Variants in DYNC1H1 observed in about 807,000 individuals in gnomAD.
DYNC1H1 encodes the protein cytoplasmic dynein 1 heavy chain 1.
A neutral mutation model predicts 527.1 loss-of-function variants in DYNC1H1; 51 were observed. The observed-to-expected ratio is 0.10, with a 90% confidence interval of 0.08 to 0.12. The LOEUF (loss-of-function observed/expected upper bound fraction) is 0.12, where lower values mean the gene tolerates loss of function less well. Among genes scored for constraint, DYNC1H1 ranks in the 10% least tolerant of loss-of-function variants. The pLI is 1.00. For missense variants in DYNC1H1, 2,771 were observed against 5,971.8 expected (o/e 0.46, Z 17.66); for synonymous variants, 2,189 against 2,278.8 (o/e 0.96, Z 1.12).
intron 24 of DYNC1H1, 27 bp from the exon 25 acceptor site, chr14:102,004,735 C>T: frequency 6.2e-7 from 1 of 1,614,060 alleles, no homozygotes. Flanking sequence ...TTGCATACCT[C>T]ATTTCTTAAA....
Position 101,986,771 on chromosome 14 carries a change from C to G in DYNC1H1, c.2538+8C>G, listed in dbSNP as rs755060365. Reference sequence around the variant, plus strand: ...TTCAACTTCCAAGAAAAGGTATGCTCTCATGTAATCCTCAGGTGTCCTGGT... The same window carrying G: ...TTCAACTTCCAAGAAAAGGTATGCTGTCATGTAATCCTCAGGTGTCCTGGT... On this transcript the variant is annotated splice_region_variant and intron_variant, in intron 8 of 77. Transcript: ENST00000360184. This position sits in a 1 kb window ranked among gnomAD's most constrained non-coding sequence, Gnocchi z 8.7. The G allele has an allele frequency of 3.1e-6, 5 of 1,613,986 alleles. No individual in the cohort carries two copies. The highest frequency in any genetic ancestry group is 4.2e-6 in the Non-Finnish European group (5 of 1,179,890).
At position 102,018,531 on chromosome 14, in the gene DYNC1H1, G is replaced by A. The variant is rs764842403; in HGVS notation, c.8258G>A (p.Arg2753His). Residue 2753 changes from arginine (R) to histidine (H), a missense_variant, in exon 41 of 78, where the codon CGC (arginine) becomes CAC (histidine). By Grantham distance (29) the Arg-to-His change is conservative. This residue lies in a region of DYNC1H1 where 163 missense variants were observed against 346.9 expected (regional missense o/e 0.47). Coordinates refer to ENST00000360184, the MANE Select transcript of DYNC1H1 (RefSeq NM_001376.5). This position sits in a 1 kb window ranked among gnomAD's most constrained non-coding sequence, Gnocchi z 5.2. ...SLTQIYGTFN[R>H]AMLRLIPSLR... Reference sequence around the variant, plus strand: ...ACACAGATCTACGGCACCTTCAACCGCGCCATGCTGAGGCTCATTCCATCC... The same window carrying A: ...ACACAGATCTACGGCACCTTCAACCACGCCATGCTGAGGCTCATTCCATCC... 1 of 1,614,060 alleles carries A rather than the reference G, an allele frequency of 6.2e-7. No individual in the cohort carries two copies. Among genetic ancestry groups the A allele is most frequent in the Non-Finnish European group, 8.5e-7 (1 of 1,180,030 alleles).
chr14:101,992,892 A>C, intron 11 of DYNC1H1, among the ~76,000 whole-genome samples: 1 of 146,124 alleles, frequency 6.8e-6, no homozygotes. Context: ...TTCCCCTTAA[A>C]CTCCCTCTAA....
In DYNC1H1 at chr14:102,002,495, GA is replaced by G; in HGVS notation, c.4543-40del. On this transcript the variant is annotated intron_variant, in intron 21 of 77. Transcript: ENST00000360184. The surrounding 1 kb of genome is among the most constrained non-coding windows in gnomAD (Gnocchi z 4.4). ...GTGAGTTTTGGCATATCTGTGAGTAGAAGGGTCAGCAGTTTACCTCTCCCTC... is the reference window on the plus strand; with the variant it reads ...GTGAGTTTTGGCATATCTGTGAGTAGAGGGTCAGCAGTTTACCTCTCCCTC... The G allele has an allele frequency of 6.2e-7, 1 of 1,612,836 alleles. No individual in the cohort carries two copies. The highest frequency in any genetic ancestry group is 8.5e-7 in the Non-Finnish European group (1 of 1,179,412).
chr14:101,994,224 A>G lies in DYNC1H1; in HGVS notation c.3056A>G (p.Tyr1019Cys). ...GAATTGACTGAGGAAGAGAAATTCT[A>G]TCGGAATGCTTTAACACGGATGCCT... is the stretch of plus-strand genomic sequence containing the variant. ...HYELTEEEKFYRNALTRMPDG... is the reference protein window; with the variant it reads ...HYELTEEEKFCRNALTRMPDG... Residue 1019 changes from tyrosine (Y) to cysteine (C), a missense_variant, in exon 12 of 78, where the codon TAT becomes TGT. Physicochemically the swap from Tyr to Cys is radical, Grantham distance 194 (BLOSUM62 -2). Coordinates refer to ENST00000360184, the MANE Select transcript of DYNC1H1 (RefSeq NM_001376.5). The G allele has an allele frequency of 2.5e-6, 4 of 1,614,216 alleles. No homozygotes were observed. Among genetic ancestry groups the G allele is most frequent in the Non-Finnish European group, 3.4e-6 (4 of 1,180,034 alleles).
chr14:102,017,693 G>T lies in DYNC1H1; in HGVS notation c.8177+189G>T. On this transcript the variant is annotated intron_variant, in intron 40 of 77. Coordinates refer to ENST00000360184, the MANE Select transcript of DYNC1H1 (RefSeq NM_001376.5). The surrounding 1 kb of genome is among the most constrained non-coding windows in gnomAD (Gnocchi z 4.6). ...TTAAAAATAAAAGCATTGGCCGGGC[G>T]CAGTGGCTTACGCCTATAATCCCAG... The T allele has an allele frequency of 8.7e-7, 1 of 1,154,856 alleles. No individual in the cohort carries two copies. The allele number at this position is 1,154,856 out of a possible 1,614,324, so 71.5% of individuals were successfully genotyped here.
chr14:101,984,782 A>T (rs1213307267), intron 7 of DYNC1H1, among the ~76,000 whole-genome samples: 4 of 151,180 alleles, frequency 2.6e-5, no homozygotes, highest in Non-Finnish European at 4.4e-5. Flanking sequence ...AATACAAAAA[A>T]ATTAGCTGGG....
Position 102,041,744 on chromosome 14 carries a change from T to C in DYNC1H1, c.12102+10T>C. ...CATTGTGGGCACAGAGGTAATGTCCTGGTACAGCCCGGGCTTCCCACGAGA... is the reference window on the plus strand; with the variant it reads ...CATTGTGGGCACAGAGGTAATGTCCCGGTACAGCCCGGGCTTCCCACGAGA... On this transcript the variant is annotated intron_variant, in intron 65 of 77. Transcript: ENST00000360184. This position sits in a 1 kb window ranked among gnomAD's most constrained non-coding sequence, Gnocchi z 4.5. The C allele has an allele frequency of 6.2e-7, 1 of 1,613,948 alleles. No homozygotes were observed. Among genetic ancestry groups the C allele is most frequent in the Non-Finnish European group, 8.5e-7 (1 of 1,180,032 alleles).
Position 102,026,560 on chromosome 14 carries a change from CT to C in DYNC1H1, c.8638-7del. 6.2e-7 allele frequency: 1 copy of C among 1,613,722 alleles called. No homozygotes were observed. Among genetic ancestry groups the C allele is most frequent in the Non-Finnish European group, 8.5e-7 (1 of 1,179,922 alleles). On this transcript the variant is annotated splice_polypyrimidine_tract_variant and intron_variant, in intron 43 of 77. Transcript: ENST00000360184. ...TTTTTCTAAGTAATTTGGGTATTAC[CT>C]TTTTTTCTATAGGATTACATCCCAG...
chr14:102,050,322 C>T lies in DYNC1H1; in HGVS notation c.13813-113C>T. ...GGAAATGAGGTTCACAGAGGAAATC[C>T]ATTTCGCACCTGTCCAAACCTCTCC... On this transcript the variant is annotated intron_variant, in intron 77 of 77. Coordinates refer to ENST00000360184, the MANE Select transcript of DYNC1H1 (RefSeq NM_001376.5). The T allele has an allele frequency of 3.1e-6, 5 of 1,610,114 alleles. No homozygotes were observed. In the South Asian group the frequency reaches 3.3e-5, roughly 11 times the overall value.
In DYNC1H1 at chr14:102,038,529, G is replaced by A. The variant is rs1199669093; in HGVS notation, c.10978G>A (p.Val3660Met). 2 of 1,614,186 alleles carry A rather than the reference G, an allele frequency of 1.2e-6. No individual in the cohort carries two copies. Among genetic ancestry groups the A allele is most frequent in the Non-Finnish European group, 8.5e-7 (1 of 1,180,026 alleles). Reference protein sequence around the residue: ...NREVRRTGGRVLITLGDQDID... With the variant: ...NREVRRTGGRMLITLGDQDID... ...TGAAGTGCGGCGAACAGGGGGGAGA[G>A]TGCTGATCACTCTCGGGGACCAGGA... The change falls in exon 58 of 78, where the codon GTG becomes ATG. Residue 3660 changes from valine to methionine, a missense_variant. Coordinates refer to ENST00000360184, the MANE Select transcript of DYNC1H1 (RefSeq NM_001376.5). The surrounding 1 kb of genome is among the most constrained non-coding windows in gnomAD (Gnocchi z 7.2).
chr14:101,994,792 C>T lies in DYNC1H1; in HGVS notation c.3276C>T (p.Thr1092=), dbSNP rs1192941627. 31 of 1,614,050 alleles carry T rather than the reference C, an allele frequency of 1.9e-5. No homozygotes were observed. Among genetic ancestry groups the T allele is most frequent in the Non-Finnish European group, 2.5e-5 (29 of 1,180,030 alleles). ...LLVQIRKARG[T]FDNAETKKEF... ...TCCAAATAAGGAAGGCCAGAGGAAC[C>T]TTTGACAATGCAGAAACCAAGAAAG... is the stretch of plus-strand genomic sequence containing the variant. The change falls in exon 13 of 78, where the codon ACC becomes ACT. Residue 1092 remains threonine (T), a synonymous_variant. Coordinates refer to ENST00000360184, the MANE Select transcript of DYNC1H1 (RefSeq NM_001376.5).
At position 102,025,962 on chromosome 14, in the gene DYNC1H1, A is replaced by G. The variant is rs545275545; in HGVS notation, c.8638-612A>G. On this transcript the variant is annotated intron_variant, in intron 43 of 77. Coordinates refer to ENST00000360184, the MANE Select transcript of DYNC1H1 (RefSeq NM_001376.5). ...GAAACCCGTCTGTACTAAAAATACA[A>G]AAATTACCTGGGCATGGTGGTACGT... Among the ~76,000 whole-genome samples, 3 of 152,280 alleles carry G rather than the reference A, an allele frequency of 2.0e-5. No homozygotes were observed. The East Asian group carries it at 5.8e-4, about 29-fold the overall frequency.
chr14:101,980,366 G>A lies in DYNC1H1; in HGVS notation c.777G>A (p.Val259=), dbSNP rs754309245. Residue 259 remains valine (V), a splice_region_variant and synonymous_variant, in exon 5 of 78, where the codon GTG becomes GTA. Coordinates refer to ENST00000360184, the MANE Select transcript of DYNC1H1 (RefSeq NM_001376.5). The part of the protein sequence containing the change: ...VNRWIREIQK[V]TKLDRDPASG... Reference sequence around the variant, plus strand: ...TGGGTGTTATTTTATTTTCAAAGGTGACCAAACTGGATCGAGATCCTGCAT... The same window carrying A: ...TGGGTGTTATTTTATTTTCAAAGGTAACCAAACTGGATCGAGATCCTGCAT... 6.2e-7 allele frequency: 1 copy of A among 1,614,050 alleles called. No individual in the cohort carries two copies. Among genetic ancestry groups the A allele is most frequent in the Middle Eastern group, 1.7e-4 (1 of 5,974 alleles).
At chr14:101,980,648 T>G in intron 5 of DYNC1H1, 98 bp downstream of exon 5, 1 of 1,394,218 alleles carries the variant, frequency 7.2e-7, no homozygotes, top group Non-Finnish European at 9.8e-7. Flanking sequence ...TTTTCACAGA[T>G]GTACTGTCGT....
At position 101,997,317 on chromosome 14, in the gene DYNC1H1, C is replaced by G. The variant is rs2048074777; in HGVS notation, c.3804+43C>G. 1 of 1,613,356 alleles carries G rather than the reference C, an allele frequency of 6.2e-7. No homozygotes were observed. ...GGGACGCAGGAGACTCCTCACCCAG[C>G]AGTGTGATTTGGTGACTTTCTTTCA... On this transcript the variant is annotated intron_variant, in intron 16 of 77. Transcript: ENST00000360184. This position sits in a 1 kb window ranked among gnomAD's most constrained non-coding sequence, Gnocchi z 4.8.
intron 23 of DYNC1H1, among the ~76,000 whole-genome samples, chr14:102,003,279 T>G (rs1234219277): frequency 1.3e-5 from 2 of 151,392 alleles, no homozygotes; most frequent in Non-Finnish European, 2.9e-5. Flanking sequence ...TTTTTTTTTT[T>G]TGAGATGGAG....
rs997879568 is a variant in DYNC1H1 at position 102,053,476 on chromosome 14, T to C, written c.*2913T>C. 2.0e-5 allele frequency: 3 copies of C among 150,862 alleles called. No homozygotes were observed. Among genetic ancestry groups the C allele is most frequent in the African/African-American group, 7.3e-5 (3 of 40,888 alleles). 9.3% of individuals were successfully genotyped at this position (150,862 alleles called of 1,614,324 possible). On this transcript the variant is annotated 3_prime_UTR_variant, in exon 78 of 78. Transcript: ENST00000360184. Reference sequence around the variant, plus strand: ...TTTTTGTTTTTTTTAAAAAACTGAGTCTCGCACTGTTGTCCAGGCTGGAGT... The same window carrying C: ...TTTTTGTTTTTTTTAAAAAACTGAGCCTCGCACTGTTGTCCAGGCTGGAGT...
At chr14:102,022,696 T>G in intron 42 of DYNC1H1, 55 bp from the exon 43 acceptor site, 2 of 1,612,544 alleles carry the variant, frequency 1.2e-6, no homozygotes, top group South Asian at 1.1e-5. Context: ...GTGAACATGG[T>G]GCTTCTTCAC....
Sources: gnomAD v4.1 joint callset for allele counts (sites outside exome capture counted in the v4.1 genomes callset) on GRCh38, gnomAD v4.1.1 for gene constraint, gnomAD v4.1.1 regional missense constraint, Gnocchi (gnomAD v3.1) non-coding constraint, MANE v1.5 for transcripts, NCBI Gene and HGNC (gene_info 2026-07-23, HGNC 2026-07-21) for gene names.